The following SLC1A3 variants were observed in gnomAD, a reference collection of about 807,000 sequenced individuals.
The protein encoded by SLC1A3 is excitatory amino acid transporter 1.
SLC1A3 carries 21 observed loss-of-function variants against 48.1 expected under a neutral mutation model. That is an observed-to-expected ratio of 0.44 (90% CI 0.31 to 0.63). The LOEUF (loss-of-function observed/expected upper bound fraction) is 0.63. Among genes scored for constraint, SLC1A3 ranks in the 20% least tolerant of loss-of-function variants. The pLI is 0.08. For missense variants in SLC1A3, 546 were observed against 689.0 expected, an observed-to-expected ratio of 0.79 and a Z score of 2.32; for synonymous variants, 239 against 251.4, an observed-to-expected ratio of 0.95 and a Z score of 0.47.
intron 2 of SLC1A3, among the ~76,000 whole-genome samples, chr5:36,618,173 C>G (rs983161421): frequency 6.6e-6 from 1 of 152,122 alleles, no homozygotes; most frequent in Admixed American, 6.5e-5. Context: ...TTCTAAAGCC[C>G]AAATTTAATC....
At chr5:36,643,959 A>G (rs1000961068) in intron 3 of SLC1A3, among the ~76,000 whole-genome samples, 1 of 152,024 alleles carries the variant, frequency 6.6e-6, no homozygotes, top group African/African-American at 2.4e-5. Flanking sequence ...GGGCCATTGC[A>G]TTCTGTTAAG....
At chr5:36,685,928 A>G (rs1742624635) in intron 9 of SLC1A3, 137 bp from the exon 10 acceptor site, 1 of 725,508 alleles carries the variant, frequency 1.4e-6, no homozygotes, top group African/African-American at 1.7e-5. Flanking sequence ...TTATGTGTCT[A>G]TTACGTAATC....
intron 2 of SLC1A3, chr5:36,612,973 T>C (rs555919136): frequency 1.0e-4 from 41 of 399,794 alleles, no homozygotes; most frequent in African/African-American, 6.8e-4. Flanking sequence ...TGGCAATTGA[T>C]TCAATGAGAG....
chr5:36,635,455 A>G (rs1740302343), intron 3 of SLC1A3, among the ~76,000 whole-genome samples: 1 of 152,230 alleles, frequency 6.6e-6, no homozygotes, highest in Non-Finnish European at 1.5e-5. Context: ...CACAAGTCTC[A>G]TTTGTCTGTG....
At chr5:36,597,219 C>G (rs1449955200) in intron 1 of SLC1A3, among the ~76,000 whole-genome samples, 1 of 108,244 alleles carries the variant, frequency 9.2e-6, no homozygotes, top group East Asian at 3.0e-4. Flanking sequence ...ACACCGAAAA[C>G]TTCTTCTTCC....
rs540933439 is a variant in SLC1A3 at position 36,622,489 on chromosome 5, C to T, written c.182-6961C>T. 5.3e-5 allele frequency among the ~76,000 whole-genome samples: 8 copies of T among 152,264 alleles called. No individual in the cohort carries two copies. In the East Asian group the frequency reaches 1.5e-3, roughly 29 times the overall value. On this transcript the variant is annotated intron_variant, in intron 2 of 9. Coordinates refer to ENST00000265113, the MANE Select transcript of SLC1A3 (RefSeq NM_004172.5). Reference sequence around the variant, plus strand: ...GTATGATTTGGTCTGAAGTTTACTTCAAATCATGCCTCATTCTTTTACTCT... The same window carrying T: ...GTATGATTTGGTCTGAAGTTTACTTTAAATCATGCCTCATTCTTTTACTCT...
At chr5:36,663,380 A>ATTTTTTTTTTTTT (rs1156283585) in intron 3 of SLC1A3, among the ~76,000 whole-genome samples, 49 of 69,336 alleles carry the variant, frequency 7.1e-4, no homozygotes, top group South Asian at 2.5e-3. Context: ...CACGCCCGGC[A>ATTTTTTTTTTTTT]TTTTTTTTTT....
rs566937135 is a variant in SLC1A3 at position 36,624,125 on chromosome 5, T to A, written c.182-5325T>A. On this transcript the variant is annotated intron_variant, in intron 2 of 9. Coordinates refer to ENST00000265113, the MANE Select transcript of SLC1A3 (RefSeq NM_004172.5). ...CTCTGGCTTCAGCTCTAACGTGGCT[T>A]GTAGGAGCAGAAAGCTGATGAAAAA... Among the ~76,000 whole-genome samples the A allele has an allele frequency of 2.0e-5, 3 of 152,310 alleles. No homozygotes were observed. In the South Asian group the frequency reaches 6.2e-4, roughly 32 times the overall value.
chr5:36,608,760 G>A, intron 2 of SLC1A3, 156 bp downstream of exon 2: 1 of 1,449,226 alleles, frequency 6.9e-7, no homozygotes, highest in South Asian at 1.5e-5. Flanking sequence ...AAAAATGACT[G>A]TTTTGGCTTG....
chr5:36,646,702 T>C (rs1223348251), intron 3 of SLC1A3, among the ~76,000 whole-genome samples: 1 of 152,194 alleles, frequency 6.6e-6, no homozygotes, highest in African/African-American at 2.4e-5. Context: ...TTGACCTCCC[T>C]AGTGGAAAGA....
chr5:36,599,953 C>G (rs1392274103), intron 1 of SLC1A3, among the ~76,000 whole-genome samples: 2 of 152,130 alleles, frequency 1.3e-5, no homozygotes, highest in African/African-American at 2.4e-5. Flanking sequence ...TCCCGAGTAG[C>G]TAGGATTACA....
intron 3 of SLC1A3, among the ~76,000 whole-genome samples, chr5:36,643,781 T>C (rs1458754260): frequency 6.6e-6 from 1 of 151,840 alleles, no homozygotes; most frequent in Non-Finnish European, 1.5e-5. Context: ...GATCATGAGG[T>C]CAAGAGTTCG....
At chr5:36,645,315 C>G (rs1740792052) in intron 3 of SLC1A3, among the ~76,000 whole-genome samples, 1 of 133,464 alleles carries the variant, frequency 7.5e-6, no homozygotes, top group Non-Finnish European at 1.6e-5. Context: ...CTGACTTCCG[C>G]TGCCTTTTTT....
At chr5:36,612,885 A>G (rs1739267218) in intron 2 of SLC1A3, 3 of 454,662 alleles carry the variant, frequency 6.6e-6, no homozygotes, top group South Asian at 3.1e-5. Context: ...TACTCCAGCA[A>G]TTTGCTGAGG....
chr5:36,685,425 C>T (rs968522426), intron 9 of SLC1A3, among the ~76,000 whole-genome samples: 20 of 152,184 alleles, frequency 1.3e-4, no homozygotes, highest in Non-Finnish European at 1.0e-4. Context: ...TAGAGGCGCC[C>T]GCCACCACGC....
upstream of SLC1A3, among the ~76,000 whole-genome samples, chr5:36,605,747 A>T (rs11949360): frequency 0.33 from 50,891 of 152,044 alleles, 8,806 homozygotes; most frequent in South Asian, 0.49. Flanking sequence ...CTATTTTCAC[A>T]ATTTATTTTT....
rs1284541047 is a variant in SLC1A3, at chr5:36,651,133, GT to G, written c.320-19888del. ...TGATATATAAGAGTAGGGAAACTAA[GT>G]TTTTTTTAAAAAAAAAAAAAAAAAA... On this transcript the variant is annotated intron_variant, in intron 3 of 9. Transcript: ENST00000265113. 8.0e-3 allele frequency among the ~76,000 whole-genome samples: 721 copies of G among 89,714 alleles called. 4 individuals are homozygous for G. Among genetic ancestry groups the G allele is most frequent in the African/African-American group, 0.031 (624 of 20,046 alleles). 58.9% of individuals were successfully genotyped at this position (89,714 alleles called of 152,430 possible). A position where few individuals can be genotyped will look rare whatever the true frequency, so the allele number is the denominator to read the frequency against.
intron 3 of SLC1A3, among the ~76,000 whole-genome samples, chr5:36,638,526 CA>C (rs1740483056): frequency 6.6e-6 from 1 of 152,198 alleles, no homozygotes; most frequent in Non-Finnish European, 1.5e-5. Flanking sequence ...GAGTACCTGT[CA>C]CTGTCACTCA....
At chr5:36,614,402 A>G (rs1052893808) in intron 2 of SLC1A3, among the ~76,000 whole-genome samples, 4 of 152,172 alleles carry the variant, frequency 2.6e-5, no homozygotes, top group African/African-American at 9.6e-5. Flanking sequence ...CTATTTCCTT[A>G]GCTAGAGAAG....
Sources: allele counts gnomAD v4.1 joint callset (sites outside exome capture counted in the v4.1 genomes callset), GRCh38; gene constraint gnomAD v4.1.1; transcripts MANE v1.5; gene names NCBI Gene and HGNC (gene_info 2026-07-23, HGNC 2026-07-21).